Variants in WDPCP observed in about 807,000 individuals in gnomAD.
WDPCP encodes the protein WD repeat-containing and planar cell polarity effector protein fritz homolog.
A neutral mutation model predicts 93.1 loss-of-function variants in WDPCP; 71 were observed. The ratio of observed to expected loss-of-function variants is 0.76; its 90% confidence interval spans 0.63 to 0.93. The LOEUF is 0.93. Among genes scored for constraint, WDPCP ranks in the 40% least tolerant of loss-of-function variants. The probability of loss-of-function intolerance (pLI) is 0.00; values close to 1 mark genes in which losing one functional copy is unlikely to be tolerated. For synonymous variants in WDPCP, 315 were observed against 315.0 expected, an observed-to-expected ratio of 1.00 and a Z score of 0.00; for missense variants, 844 against 887.4, an observed-to-expected ratio of 0.95 and a Z score of 0.62.
chr2:63,281,983 A>T (rs943164520), intron 13 of WDPCP, among the ~76,000 whole-genome samples: 2 of 152,192 alleles, frequency 1.3e-5, no homozygotes, highest in Non-Finnish European at 2.9e-5. Flanking sequence ...AAATAAAAAA[A>T]AAATAAAATG....
At chr2:63,693,876 A>G (rs1668925759) in intron 2 of WDPCP, among the ~76,000 whole-genome samples, 1 of 152,186 alleles carries the variant, frequency 6.6e-6, no homozygotes, top group Admixed American at 6.5e-5. Flanking sequence ...TACATCATTT[A>G]TTGATTAATG....
rs141782505 is a variant in WDPCP at position 63,146,621 on chromosome 2, C to T, written c.2190+6293G>A. ...TGATCTCCTGACCTCGTGATCTACC[C>T]GCCTCGGCCTCCCAAAGTGCTGGGA... On this transcript the variant is annotated intron_variant, in intron 17 of 17. Transcript: ENST00000272321. 1.1e-3 allele frequency among the ~76,000 whole-genome samples: 175 copies of T among 152,198 alleles called. 2 individuals are homozygous for T. The highest frequency in any genetic ancestry group is 3.7e-3 in the African/African-American group (153 of 41,544).
chr2:63,620,794 C>T (rs1380184675), intron 3 of WDPCP, among the ~76,000 whole-genome samples: 1 of 152,116 alleles, frequency 6.6e-6, no homozygotes. Flanking sequence ...GGCAGGTGCC[C>T]CTCTGGGACA....
At chr2:63,404,684 C>A in intron 9 of WDPCP, 27 bp from the exon 10 acceptor site, 1 of 1,613,086 alleles carries the variant, frequency 6.2e-7, no homozygotes, top group South Asian at 1.1e-5. Context: ...CAAGTACATT[C>A]AGATAAACTT....
chr2:63,587,186 G>C (rs1708903655), intron 1 of WDPCP, among the ~76,000 whole-genome samples: 1 of 152,156 alleles, frequency 6.6e-6, no homozygotes, highest in Non-Finnish European at 1.5e-5. Context: ...ACATAAATTT[G>C]AGAGTTTTTG....
chr2:63,266,416 G>A (rs2104822062), intron 13 of WDPCP, among the ~76,000 whole-genome samples: 1 of 152,104 alleles, frequency 6.6e-6, no homozygotes, highest in South Asian at 2.1e-4. Flanking sequence ...CACCAAAAAA[G>A]AAAATACATA....
intron 14 of WDPCP, among the ~76,000 whole-genome samples, chr2:63,175,691 G>A (rs999309119): frequency 7.9e-5 from 12 of 152,100 alleles, no homozygotes; most frequent in Non-Finnish European, 1.2e-4. Context: ...CAGTATTCAC[G>A]TTTTTGTCAC....
At chr2:63,637,268 C>T (rs1340516217) in intron 3 of WDPCP, among the ~76,000 whole-genome samples, 1 of 151,770 alleles carries the variant, frequency 6.6e-6, no homozygotes, top group Non-Finnish European at 1.5e-5. Context: ...CAGAGAATTG[C>T]TTAAACCTGG....
At chr2:63,567,580 C>T (rs1290529691) in intron 1 of WDPCP, among the ~76,000 whole-genome samples, 1 of 152,200 alleles carries the variant, frequency 6.6e-6, no homozygotes, top group Non-Finnish European at 1.5e-5. Flanking sequence ...GTAAGAAGCA[C>T]TTTTCCCCCT....
intron 12 of WDPCP, among the ~76,000 whole-genome samples, chr2:63,329,558 G>A (rs762413445): frequency 2.6e-5 from 4 of 152,096 alleles, no homozygotes; most frequent in Non-Finnish European, 5.9e-5. Context: ...AATTTGCCTT[G>A]TAGATGAAGT....
chr2:63,305,522 A>T (rs1685662811), intron 13 of WDPCP, among the ~76,000 whole-genome samples: 1 of 152,174 alleles, frequency 6.6e-6, no homozygotes, highest in Non-Finnish European at 1.5e-5. Flanking sequence ...TCAACAAAAA[A>T]GACGTCCACA....
intron 2 of WDPCP, among the ~76,000 whole-genome samples, chr2:63,676,654 T>C (rs1214804399): frequency 6.6e-6 from 1 of 152,018 alleles, no homozygotes; most frequent in Non-Finnish European, 1.5e-5. Context: ...AGATCAGTGG[T>C]TGCTAGGGGT....
Position 63,809,180 on chromosome 2 carries a change from G to A in WDPCP, n.308+4442C>T, listed in dbSNP as rs559113515. Among the ~76,000 whole-genome samples the A allele has an allele frequency of 5.3e-5, 8 of 150,512 alleles. No individual in the cohort carries two copies. The South Asian group carries it at 8.4e-4, about 16-fold the overall frequency. ...CGTCTGGGAAGTGAGGAGCGTCTCC[G>A]CCCGGCAGCCGCCCCGCCCGGGAGG... On this transcript the variant is annotated intron_variant and non_coding_transcript_variant, in intron 2 of 4. Transcript: ENST00000467687.
intron 17 of WDPCP, among the ~76,000 whole-genome samples, chr2:63,151,454 G>A (rs1456041512): frequency 1.3e-5 from 2 of 152,036 alleles, no homozygotes; most frequent in African/African-American, 2.4e-5. Flanking sequence ...CGAACTCCTG[G>A]GCTTATGCAA....
At chr2:63,777,802 A>T (rs551694186) in intron 2 of WDPCP, among the ~76,000 whole-genome samples, 1 of 152,220 alleles carries the variant, frequency 6.6e-6, no homozygotes, top group Non-Finnish European at 1.5e-5. Context: ...ACAAAGGAGC[A>T]TAAGGAAACT....
intron 3 of WDPCP, among the ~76,000 whole-genome samples, chr2:63,630,203 T>C (rs1198093420): frequency 6.6e-6 from 1 of 151,392 alleles, no homozygotes; most frequent in African/African-American, 2.4e-5. Flanking sequence ...CCCACAAGAA[T>C]TAAGGAAAAA....
chr2:63,283,220 AT>A (rs887379674), intron 13 of WDPCP, among the ~76,000 whole-genome samples: 4 of 151,704 alleles, frequency 2.6e-5, no homozygotes, highest in African/African-American at 9.7e-5. Context: ...AAATCTTAGA[AT>A]TTTTTTTTAA....
At chr2:63,766,877 T>C (rs1670150777) in intron 2 of WDPCP, among the ~76,000 whole-genome samples, 2 of 152,278 alleles carry the variant, frequency 1.3e-5, no homozygotes, top group East Asian at 3.9e-4. Context: ...TGAAACTCCA[T>C]AGCCATTAAA....
intron 6 of WDPCP, among the ~76,000 whole-genome samples, chr2:63,456,663 T>G (rs1424659772): frequency 6.6e-6 from 1 of 151,600 alleles, no homozygotes; most frequent in African/African-American, 2.4e-5. Flanking sequence ...ATAATAAAGA[T>G]CAGAGCAAAA....
Sources: gnomAD v4.1 joint callset for allele counts (sites outside exome capture counted in the v4.1 genomes callset) on GRCh38, gnomAD v4.1.1 for gene constraint, MANE v1.5 for transcripts, NCBI Gene and HGNC (gene_info 2026-07-23, HGNC 2026-07-21) for gene names.